Variants in LMBRD2 observed in about 807,000 individuals in gnomAD.
LMBRD2 encodes LMBR1 domain containing 2.
Under a neutral mutation model 94.4 loss-of-function variants are expected in LMBRD2, and 55 were observed. The observed-to-expected ratio is 0.58, with a 90% CI of 0.47 to 0.73. LMBRD2 has a LOEUF of 0.73. Among genes scored for constraint, LMBRD2 ranks in the 30% least tolerant of loss-of-function variants. LMBRD2 has a pLI of 0.00. For synonymous variants in LMBRD2, 246 were observed against 272.4 expected (o/e 0.90, Z 0.95); for missense variants, 640 against 831.9 (o/e 0.77, Z 2.84).
chr5:36,141,096 C>A lies in LMBRD2; in HGVS notation c.368+11G>T. 6.7e-7 allele frequency: 1 copy of A among 1,489,124 alleles called. No individual in the cohort carries two copies. The highest frequency in any genetic ancestry group is 9.2e-7 in the Non-Finnish European group (1 of 1,081,150). The allele number at this position is 1,489,124 out of a possible 1,614,324, so 92.2% of individuals were successfully genotyped here. On this transcript the variant is annotated intron_variant, in intron 4 of 17. Coordinates refer to ENST00000296603, the MANE Select transcript of LMBRD2 (RefSeq NM_001007527.2). The stretch of plus-strand genomic sequence containing the variant: ...AAAATTTTAAAAATTTTATCATTTA[C>A]TGTAACTTACCATGTTAAAAATTGT...
intron 7 of LMBRD2, among the ~76,000 whole-genome samples, chr5:36,123,844 A>C (rs1194548344): frequency 1.3e-5 from 2 of 151,720 alleles, no homozygotes; most frequent in Non-Finnish European, 2.9e-5. Context: ...TAGGCAGCTG[A>C]TTGTAAGATA....
At chr5:36,139,044 G>A (rs936586525) in intron 4 of LMBRD2, among the ~76,000 whole-genome samples, 12 of 152,186 alleles carry the variant, frequency 7.9e-5, no homozygotes, top group Non-Finnish European at 1.3e-4. Flanking sequence ...CCGAGTTGGC[G>A]GGGCAGGAGC....
chr5:36,109,896 TTA>T, intron 15 of LMBRD2, 47 bp downstream of exon 15: 1 of 1,352,144 alleles, frequency 7.4e-7, no homozygotes, highest in Non-Finnish European at 1.0e-6. Context: ...TCTTAAGAAA[TTA>T]AATTTCAAAT....
At chr5:36,121,119 C>A (rs974436104) in intron 9 of LMBRD2, among the ~76,000 whole-genome samples, 2 of 152,202 alleles carry the variant, frequency 1.3e-5, no homozygotes, top group African/African-American at 4.8e-5. Context: ...TATTCAGAAT[C>A]TTTATGCCTT....
Position 36,142,845 on chromosome 5 carries a change from C to G in LMBRD2, c.175-246G>C. The G allele has an allele frequency of 7.8e-6, 3 of 385,404 alleles. 1 individual carries two copies. The South Asian group carries it at 9.2e-5, about 12-fold the overall frequency. The allele number at this position is 385,404 out of a possible 1,614,324, so 23.9% of individuals were successfully genotyped here. On this transcript the variant is annotated intron_variant, in intron 2 of 17. Transcript: ENST00000296603. ...ATTCACGCCATTCTCCTGCCTCAGC[C>G]TCCCGAGTAGCTGGGACTACAGGCG...
chr5:36,125,666 A>G (rs1743992242), intron 6 of LMBRD2, among the ~76,000 whole-genome samples: 1 of 152,210 alleles, frequency 6.6e-6, no homozygotes, highest in Non-Finnish European at 1.5e-5. Context: ...ATTTCACAAC[A>G]TCTATTGAAA....
At chr5:36,108,367 C>T (rs1426839107) in intron 16 of LMBRD2, among the ~76,000 whole-genome samples, 167 bp downstream of exon 16, 1 of 152,080 alleles carries the variant, frequency 6.6e-6, no homozygotes, top group Non-Finnish European at 1.5e-5. Context: ...TTGAGCTTCC[C>T]CATCCTTCTA....
chr5:36,126,919 A>G (rs1581053741), intron 6 of LMBRD2, among the ~76,000 whole-genome samples: 1 of 152,240 alleles, frequency 6.6e-6, no homozygotes, highest in East Asian at 1.9e-4. Flanking sequence ...TGCTCAAACT[A>G]ATTTGGTTTT....
intron 15 of LMBRD2, among the ~76,000 whole-genome samples, chr5:36,109,594 C>A (rs1472130922): frequency 6.6e-6 from 1 of 151,792 alleles, no homozygotes; most frequent in African/African-American, 2.4e-5. Context: ...TGTCACAGCA[C>A]CAAAAAAAGA....
chr5:36,105,004 A>C (rs1743429722), intron 17 of LMBRD2, 64 bp downstream of exon 17: 3 of 1,477,688 alleles, frequency 2.0e-6, no homozygotes, highest in Non-Finnish European at 2.8e-6. Flanking sequence ...CAATCTTGTC[A>C]AGTCAATGTG....
In LMBRD2 at chr5:36,120,059, CTTTA is replaced by C. The variant is rs752939637; in HGVS notation, c.1121-2147_1121-2144del. Among the ~76,000 whole-genome samples the C allele has an allele frequency of 5.6e-3, 821 of 145,374 alleles. 8 individuals are homozygous for C. The highest frequency in any genetic ancestry group is 9.3e-3 in the South Asian group (44 of 4,722). ...TTTCTTTTCTTTCATCTCTCTCTCTCTTTATTTCTTTTTTTTTTTTGACGGAGTC... is the reference window on the plus strand; with the variant it reads ...TTTCTTTTCTTTCATCTCTCTCTCTCTTTCTTTTTTTTTTTTGACGGAGTC... On this transcript the variant is annotated intron_variant, in intron 9 of 17. Transcript: ENST00000296603.
At chr5:36,137,946 G>A (rs1744310206) in intron 4 of LMBRD2, among the ~76,000 whole-genome samples, 1 of 152,150 alleles carries the variant, frequency 6.6e-6, no homozygotes, top group African/African-American at 2.4e-5. Context: ...CTGTATCAAT[G>A]GCAGTGAAAT....
chr5:36,129,030 T>C (rs1388865472), intron 6 of LMBRD2, among the ~76,000 whole-genome samples: 1 of 152,192 alleles, frequency 6.6e-6, no homozygotes, highest in Non-Finnish European at 1.5e-5. Flanking sequence ...TAGAAGACAC[T>C]TGAAAATTTG....
chr5:36,129,048 G>A (rs1744074630), intron 6 of LMBRD2, among the ~76,000 whole-genome samples: 1 of 152,058 alleles, frequency 6.6e-6, no homozygotes, highest in Admixed American at 6.6e-5. Flanking sequence ...TTGGCTATTT[G>A]AAAATATGGT....
chr5:36,126,912 T>C (rs1287328202), intron 6 of LMBRD2, among the ~76,000 whole-genome samples: 1 of 152,222 alleles, frequency 6.6e-6, no homozygotes, highest in Non-Finnish European at 1.5e-5. Context: ...AACTTTATGC[T>C]CAAACTAATT....
intron 1 of LMBRD2, among the ~76,000 whole-genome samples, chr5:36,144,025 T>C (rs115224351): frequency 0.012 from 1,789 of 152,186 alleles, 17 homozygotes; most frequent in Non-Finnish European, 0.02. Flanking sequence ...TCTACATAAA[T>C]CTTTAAACTT....
chr5:36,138,961 G>T (rs994215797), intron 4 of LMBRD2, among the ~76,000 whole-genome samples: 1 of 152,186 alleles, frequency 6.6e-6, no homozygotes, highest in Admixed American at 6.5e-5. Flanking sequence ...GCCGCAGTGT[G>T]GGGGGACTGG....
chr5:36,135,714 A>C (rs1051673044), intron 6 of LMBRD2, among the ~76,000 whole-genome samples: 9 of 152,214 alleles, frequency 5.9e-5, no homozygotes, highest in African/African-American at 2.2e-4. Flanking sequence ...CAAAATTTTT[A>C]TTTAACACAG....
intron 16 of LMBRD2, among the ~76,000 whole-genome samples, chr5:36,108,248 C>A (rs1480110891): frequency 1.3e-5 from 2 of 152,148 alleles, no homozygotes; most frequent in African/African-American, 2.4e-5. Flanking sequence ...TAGAAATAAA[C>A]ACCTGCCTAG....
Sources: allele counts gnomAD v4.1 joint callset (sites outside exome capture counted in the v4.1 genomes callset), GRCh38; gene constraint gnomAD v4.1.1; transcripts MANE v1.5; gene names NCBI Gene and HGNC (gene_info 2026-07-23, HGNC 2026-07-21).